Variants in PXDN observed in about 807,000 individuals in gnomAD.
PXDN encodes peroxidasin.
A neutral mutation model predicts 140.3 loss-of-function variants in PXDN; 77 were observed. That is an observed-to-expected ratio of 0.55 (90% confidence interval 0.46 to 0.66). The LOEUF (loss-of-function observed/expected upper bound fraction) is 0.66. PXDN is among the 30% of genes least tolerant of loss of function. PXDN has a pLI of 0.00. For missense variants in PXDN, 1,838 were observed against 2,039.5 expected (o/e 0.90, Z 1.90); for synonymous variants, 911 against 857.4 (o/e 1.06, Z -1.09).
Position 1,660,291 on chromosome 2 carries a change from T to C in PXDN, c.1837+590A>G, listed in dbSNP as rs945958455. On this transcript the variant is annotated intron_variant, in intron 14 of 22. Transcript: ENST00000252804. The surrounding 1 kb of genome is among the most constrained non-coding windows in gnomAD (Gnocchi z 4.6). ...CTCTGTTACAAGAACCCGGACAAGA[T>C]GCCAAGGGCCTCGGGGTGAGTGGGA... 6.6e-6 allele frequency among the ~76,000 whole-genome samples: 1 copy of C among 152,050 alleles called. No individual in the cohort carries two copies.
At chr2:1,638,189 T>G (rs1175215780) in intron 21 of PXDN, among the ~76,000 whole-genome samples, 1 of 152,144 alleles carries the variant, frequency 6.6e-6, no homozygotes, top group East Asian at 1.9e-4. Context: ...GGGAATCCCA[T>G]CCACACCAGC....
intron 9 of PXDN, 89 bp from the exon 10 acceptor site, chr2:1,666,575 T>C: frequency 7.1e-7 from 1 of 1,416,658 alleles, no homozygotes. Context: ...CTATTAATTC[T>C]ATTTACCACC....
Position 1,706,657 on chromosome 2 carries a change from T to G in PXDN, c.201-13523A>C, listed in dbSNP as rs879513675. Among the ~76,000 whole-genome samples, 6 of 75,906 alleles carry G rather than the reference T, an allele frequency of 7.9e-5. 2 individuals are homozygous for G. Among genetic ancestry groups the G allele is most frequent in the African/African-American group, 5.0e-4 (6 of 12,046 alleles). The allele number at this position is 75,906 out of a possible 152,430, so 49.8% of individuals were successfully genotyped here. On this transcript the variant is annotated intron_variant, in intron 1 of 22. Coordinates refer to ENST00000252804, the MANE Select transcript of PXDN (RefSeq NM_012293.3). ...TACAATCTGAGAGCATGCTTCAGTGTTCACCAATCAGCTCTAAGCATCGCC... is the reference window on the plus strand; with the variant it reads ...TACAATCTGAGAGCATGCTTCAGTGGTCACCAATCAGCTCTAAGCATCGCC...
At position 1,648,353 on chromosome 2, in the gene PXDN, G is replaced by C; in HGVS notation, c.3427C>G (p.Leu1143Val). 6.2e-7 allele frequency: 1 copy of C among 1,613,670 alleles called. No individual in the cohort carries two copies. The highest frequency in any genetic ancestry group is 8.5e-7 in the Non-Finnish European group (1 of 1,179,904). Residue 1143 changes from leucine to valine, a missense_variant, in exon 17 of 23, where the codon CTG becomes GTG. Physicochemically the swap from Leu to Val is conservative, Grantham distance 32 (BLOSUM62 1). Transcript: ENST00000252804. The surrounding 1 kb of genome is among the most constrained non-coding windows in gnomAD (Gnocchi z 8.9). Reference sequence around the variant, plus strand: ...GCCACCGTGTGTGCCATGGAGAACAGCCGCTCCGTGAGCTCCGTGTTCAGC... The same window carrying C: ...GCCACCGTGTGTGCCATGGAGAACACCCGCTCCGTGAGCTCCGTGTTCAGC... ...QLLNTELTERLFSMAHTVALD... is the reference protein window; with the variant it reads ...QLLNTELTERVFSMAHTVALD...
At chr2:1,673,089 G>C (rs1475851826) in intron 9 of PXDN, among the ~76,000 whole-genome samples, 1 of 152,232 alleles carries the variant, frequency 6.6e-6, no homozygotes, top group South Asian at 2.1e-4. Flanking sequence ...AGGTGGATCA[G>C]AGCAGAGTTT....
rs13006531 is a variant in PXDN, at chr2:1,706,610, G to A, written c.201-13476C>T. Among the ~76,000 whole-genome samples, 485 of 81,786 alleles carry A rather than the reference G, an allele frequency of 5.9e-3. 57 individuals are homozygous for A. The highest frequency in any genetic ancestry group is 0.014 in the Middle Eastern group (2 of 148). The allele number at this position is 81,786 out of a possible 152,430, so 53.7% of individuals were successfully genotyped here. On this transcript the variant is annotated intron_variant, in intron 1 of 22. Transcript: ENST00000252804. ...TTCAGTGTTCACCAATCAGCTCTAA[G>A]CATCGCCTGCCCCACTAATAATACA...
chr2:1,701,484 G>C (rs1334161803), intron 1 of PXDN, among the ~76,000 whole-genome samples: 1 of 152,222 alleles, frequency 6.6e-6, no homozygotes, highest in Non-Finnish European at 1.5e-5. Flanking sequence ...CCAGAGTGGA[G>C]GGCAAGGGTG....
chr2:1,656,155 A>G (rs1042306775), intron 14 of PXDN, among the ~76,000 whole-genome samples: 1 of 151,690 alleles, frequency 6.6e-6, no homozygotes, highest in South Asian at 2.1e-4. Flanking sequence ...CAAACACACC[A>G]AACCAAAGAA....
chr2:1,662,750 G>C (rs964611999), intron 12 of PXDN, among the ~76,000 whole-genome samples: 4 of 152,188 alleles, frequency 2.6e-5, no homozygotes, highest in Admixed American at 6.5e-5. Flanking sequence ...AAGAAACACA[G>C]AGCCAACCCG....
chr2:1,642,968 AC>A (rs1306549436), intron 19 of PXDN, among the ~76,000 whole-genome samples: 1 of 152,224 alleles, frequency 6.6e-6, no homozygotes, highest in African/African-American at 2.4e-5. Flanking sequence ...ATTCAGATTA[AC>A]TTTTAAGAAA....
intron 8 of PXDN, among the ~76,000 whole-genome samples, chr2:1,674,160 G>C (rs1281669398): frequency 1.3e-5 from 2 of 152,220 alleles, no homozygotes; most frequent in African/African-American, 4.8e-5. Context: ...TAACTAAAAA[G>C]GGTAGAAACA....
intron 1 of PXDN, among the ~76,000 whole-genome samples, chr2:1,718,695 T>C (rs1008822954): frequency 1.3e-5 from 2 of 152,174 alleles, no homozygotes; most frequent in African/African-American, 2.4e-5. Context: ...AAACACGGGG[T>C]GACGCGGGCA....
intron 3 of PXDN, among the ~76,000 whole-genome samples, chr2:1,690,843 A>G (rs1455089551): frequency 6.6e-6 from 1 of 152,232 alleles, no homozygotes; most frequent in Non-Finnish European, 1.5e-5. Context: ...ATATTTTAAT[A>G]AACAGAGTTA....
At chr2:1,665,113 A>C (rs1211720029) in intron 10 of PXDN, 39 bp from the exon 11 acceptor site, 1 of 1,473,006 alleles carries the variant, frequency 6.8e-7, no homozygotes, top group African/African-American at 1.4e-5. Context: ...ACATGTAAAA[A>C]ACAGCCTGGG....
intron 11 of PXDN, 93 bp from the exon 12 acceptor site, chr2:1,663,856 A>C: frequency 9.3e-6 from 14 of 1,510,028 alleles, no homozygotes; most frequent in South Asian, 1.2e-5. Flanking sequence ...GCTTGTCTCC[A>C]CCTGGGTCGG....
chr2:1,708,630 G>A (rs540895310), intron 1 of PXDN, among the ~76,000 whole-genome samples: 11 of 152,250 alleles, frequency 7.2e-5, no homozygotes, highest in East Asian at 1.9e-4. Context: ...CCCCCGACTC[G>A]CCCCGCAAGG....
intron 1 of PXDN, among the ~76,000 whole-genome samples, chr2:1,719,214 G>C (rs1439262330): frequency 6.6e-6 from 1 of 152,142 alleles, no homozygotes; most frequent in Non-Finnish European, 1.5e-5. Context: ...TGTGGGAACA[G>C]AGCCAGGGGA....
chr2:1,713,323 T>C (rs1483418061), intron 1 of PXDN, among the ~76,000 whole-genome samples: 2 of 152,134 alleles, frequency 1.3e-5, no homozygotes, highest in African/African-American at 2.4e-5. Flanking sequence ...CCTGCTACAG[T>C]TTTGTGCTGT....
At chr2:1,636,205 TG>T (rs66707352) in intron 21 of PXDN, 128,143 of 153,748 alleles carry the variant, frequency 0.83, 54,795 homozygotes, top group East Asian at 1. Flanking sequence ...AAAACCATCC[TG>T]GATTTGGAGT....
Sources: gnomAD v4.1 joint callset for allele counts (sites outside exome capture counted in the v4.1 genomes callset) on GRCh38, gnomAD v4.1.1 for gene constraint, Gnocchi (gnomAD v3.1) non-coding constraint, MANE v1.5 for transcripts, NCBI Gene and HGNC (gene_info 2026-07-23, HGNC 2026-07-21) for gene names.